PCDHA4: variants seen among roughly 807,000 people sequenced by gnomAD.
The protein encoded by PCDHA4 is protocadherin alpha 4, also known as protocadherin alpha-4.
In PCDHA4, 49 loss-of-function variants were observed where a neutral mutation model predicts 61.4. The observed-to-expected ratio is 0.80, with a 90% CI of 0.63 to 1.01. The LOEUF (loss-of-function observed/expected upper bound fraction) is 1.01, where lower values mean the gene tolerates loss of function less well. PCDHA4 is among the 50% of genes least tolerant of loss of function. PCDHA4 has a pLI of 0.00. For missense variants in PCDHA4, 1,254 were observed against 1,235.8 expected, an observed-to-expected ratio of 1.01 and a Z score of -0.22; for synonymous variants, 590 against 550.3, an observed-to-expected ratio of 1.07 and a Z score of -1.01.
chr5:140,891,755 G>C (rs1489884923), intron 1 of PCDHA4, among the ~76,000 whole-genome samples: 2 of 152,114 alleles, frequency 1.3e-5, no homozygotes, highest in Non-Finnish European at 2.9e-5. Flanking sequence ...CAACAGTGTT[G>C]GGAGGTGGGG....
intron 1 of PCDHA4, chr5:140,862,633 G>T (rs113613111): frequency 3.7e-6 from 2 of 537,190 alleles, no homozygotes; most frequent in East Asian, 5.1e-5. Context: ...GGGCTGCCAC[G>T]ACTTCACAGT....
chr5:140,983,711 G>C (rs2097062291), intron 3 of PCDHA4, among the ~76,000 whole-genome samples: 1 of 152,202 alleles, frequency 6.6e-6, no homozygotes, highest in Non-Finnish European at 1.5e-5. Context: ...AGTATATCTA[G>C]CACTTATATT....
At chr5:140,826,184 A>G (rs1392626377) in intron 1 of PCDHA4, among the ~76,000 whole-genome samples, 1 of 152,236 alleles carries the variant, frequency 6.6e-6, no homozygotes, top group African/African-American at 2.4e-5. Context: ...CTATAAATCT[A>G]AAGTTAACAA....
At chr5:140,913,993 G>A (rs2076550293) in intron 1 of PCDHA4, among the ~76,000 whole-genome samples, 2 of 152,040 alleles carry the variant, frequency 1.3e-5, no homozygotes, top group South Asian at 4.2e-4. Flanking sequence ...ATTGTGACTA[G>A]CATATGGTCT....
intron 1 of PCDHA4, chr5:140,836,620 G>A (rs782384217): frequency 5.6e-6 from 9 of 1,613,468 alleles, no homozygotes; most frequent in Non-Finnish European, 7.6e-6. Flanking sequence ...AGCGCGGTGG[G>A]GAGCTGGTCA....
intron 1 of PCDHA4, among the ~76,000 whole-genome samples, chr5:140,833,934 C>T (rs2150212235): frequency 1.3e-5 from 2 of 152,148 alleles, no homozygotes; most frequent in Admixed American, 1.3e-4. Context: ...CATGTTGTCA[C>T]TTAGGTTTCT....
chr5:140,970,425 C>T (rs1554232453), intron 1 of PCDHA4, among the ~76,000 whole-genome samples: 1 of 151,722 alleles, frequency 6.6e-6, no homozygotes, highest in Non-Finnish European at 1.5e-5. Flanking sequence ...GGTGTAGAGG[C>T]AGGTGTTAGT....
At chr5:140,883,239 A>ACAAAGGAAATATTC in intron 1 of PCDHA4, 1 of 1,614,096 alleles carries the variant, frequency 6.2e-7, no homozygotes, top group Non-Finnish European at 8.5e-7. Context: ...GAGGCAGTTG[A>ACAAAGGAAATATTC]CAAAGGAAAT....
chr5:140,878,001 T>C (rs2057434893), intron 1 of PCDHA4: 6 of 1,018,808 alleles, frequency 5.9e-6, no homozygotes, highest in South Asian at 4.4e-5. Flanking sequence ...TATGTATTTG[T>C]CTAACATTAA....
At chr5:140,878,837 A>G (rs6885420) in intron 1 of PCDHA4, among the ~76,000 whole-genome samples, 4 of 152,334 alleles carry the variant, frequency 2.6e-5, no homozygotes, top group Admixed American at 2.6e-4. Context: ...AGGCTGGACT[A>G]GAACTTCTGG....
chr5:140,823,275 G>C (rs2150124243), intron 1 of PCDHA4: 1 of 1,612,480 alleles, frequency 6.2e-7, no homozygotes, highest in Non-Finnish European at 8.5e-7. Context: ...GGGTGGGCGA[G>C]CGCCCGCTGT....
intron 3 of PCDHA4, among the ~76,000 whole-genome samples, chr5:141,002,971 T>C (rs138459473): frequency 6.6e-6 from 1 of 152,274 alleles, no homozygotes; most frequent in African/African-American, 2.4e-5. Flanking sequence ...TTCCTGAAAA[T>C]AGTATCCTTG....
At chr5:140,833,391 C>T (rs139841955) in intron 1 of PCDHA4, among the ~76,000 whole-genome samples, 1 of 152,258 alleles carries the variant, frequency 6.6e-6, no homozygotes, top group Non-Finnish European at 1.5e-5. Flanking sequence ...TGAAATACCT[C>T]AAGACTTGAT....
At chr5:140,897,580 G>A (rs1420816335) in intron 1 of PCDHA4, among the ~76,000 whole-genome samples, 1 of 151,964 alleles carries the variant, frequency 6.6e-6, no homozygotes, top group African/African-American at 2.4e-5. Flanking sequence ...TCTTAATCCA[G>A]TCTGTCATTG....
intron 1 of PCDHA4, chr5:140,828,825 C>T: frequency 1.2e-6 from 2 of 1,614,200 alleles, no homozygotes; most frequent in Non-Finnish European, 8.5e-7. Flanking sequence ...TTCGAACAGT[C>T]TGAATACGAA....
chr5:140,972,623 T>C (rs1554234256), intron 1 of PCDHA4, among the ~76,000 whole-genome samples: 1 of 151,938 alleles, frequency 6.6e-6, no homozygotes, highest in African/African-American at 2.4e-5. Context: ...TGAATGTTGT[T>C]GGCACTCCCT....
chr5:140,969,366 A>C (rs1554231734), intron 1 of PCDHA4: 1 of 1,609,828 alleles, frequency 6.2e-7, no homozygotes. Context: ...CTACAAACTC[A>C]TGCATTTGTT....
rs369720251 is a variant in PCDHA4 at position 140,883,769 on chromosome 5, G to A, written c.2385+74197G>A. 9.3e-6 allele frequency: 15 copies of A among 1,612,378 alleles called. No homozygotes were observed. The South Asian group carries it at 1.2e-4, about 13-fold the overall frequency. On this transcript the variant is annotated intron_variant, in intron 1 of 3. Transcript: ENST00000530339. ...CTCGCTGGTGGAGCGGCGGGTGGGC[G>A]AGCGTGCGCTGTCGAGCTACGTGTC...
chr5:140,824,265 A>G lies in PCDHA4; in HGVS notation c.2385+14693A>G, dbSNP rs2150133778. 6 of 1,252,372 alleles carry G rather than the reference A, an allele frequency of 4.8e-6. No individual in the cohort carries two copies. In the East Asian group the frequency reaches 6.9e-5, roughly 14 times the overall value. 77.6% of individuals were successfully genotyped at this position (1,252,372 alleles called of 1,614,324 possible). A position where few individuals can be genotyped will look rare whatever the true frequency, so the allele number is the denominator to read the frequency against. On this transcript the variant is annotated intron_variant, in intron 1 of 3. Coordinates refer to ENST00000530339, the MANE Select transcript of PCDHA4 (RefSeq NM_018907.4). ...TGGTACACAATTATTGCACTAATTC[A>G]TGTATTATATGCTTTTTATGAGGCT...
Sources: gnomAD v4.1 joint callset for allele counts (sites outside exome capture counted in the v4.1 genomes callset) on GRCh38, gnomAD v4.1.1 for gene constraint, MANE v1.5 for transcripts, NCBI Gene and HGNC (gene_info 2026-07-23, HGNC 2026-07-21) for gene names.